The following CCDC171 variants were observed in gnomAD, a reference collection of about 807,000 sequenced individuals.
CCDC171 encodes the protein coiled-coil domain containing 171, also known as coiled-coil domain-containing protein 171.
A neutral mutation model predicts 168.2 loss-of-function variants in CCDC171; 177 were observed. The observed-to-expected ratio is 1.05, with a 90% confidence interval of 0.93 to 1.19. The LOEUF (loss-of-function observed/expected upper bound fraction) is 1.19, where lower values mean the gene tolerates loss of function less well. Ranked by LOEUF, CCDC171 falls within the 50% of genes most tolerant of loss-of-function variation. CCDC171 has a pLI of 0.00. For synonymous variants in CCDC171, 687 were observed against 540.8 expected (o/e 1.27, Z -3.75); for missense variants, 1,991 against 1,539.0 (o/e 1.29, Z -4.91).
At chr9:15,762,961 G>A (rs1407009674) in intron 18 of CCDC171, among the ~76,000 whole-genome samples, 2 of 152,136 alleles carry the variant, frequency 1.3e-5, no homozygotes, top group Non-Finnish European at 2.9e-5. Flanking sequence ...CCTCACTTCT[G>A]ACACCACAAA....
At chr9:16,088,306 C>G in the CCDC171 span, among the ~76,000 whole-genome samples, 2 of 152,188 alleles carry the variant, frequency 1.3e-5, no homozygotes, top group African/African-American at 4.8e-5. Flanking sequence ...CCTTTGAAAA[C>G]TGGCACAAGA....
chr9:15,755,856 A>G (rs930657437), intron 18 of CCDC171, among the ~76,000 whole-genome samples: 1 of 152,166 alleles, frequency 6.6e-6, no homozygotes, highest in African/African-American at 2.4e-5. Context: ...GGGTTGATAA[A>G]AATGTTTTAA....
chr9:15,628,894 C>T (rs1350816715), intron 7 of CCDC171, among the ~76,000 whole-genome samples: 1 of 152,186 alleles, frequency 6.6e-6, no homozygotes, highest in Non-Finnish European at 1.5e-5. Context: ...GTTCTGCAGC[C>T]ACCGCTGCTG....
chr9:15,905,764 A>G (rs769828548), intron 24 of CCDC171, among the ~76,000 whole-genome samples: 3 of 152,252 alleles, frequency 2.0e-5, no homozygotes, highest in Non-Finnish European at 4.4e-5. Context: ...AACCAGATTG[A>G]TAGACTGCTA....
At chr9:15,994,135 C>T (rs989760044) in intron 3 of CCDC171, among the ~76,000 whole-genome samples, 5 of 151,020 alleles carry the variant, frequency 3.3e-5, no homozygotes, top group Admixed American at 3.3e-4. Flanking sequence ...GACACATGCA[C>T]ATGTATGTTT....
chr9:16,045,303 G>T (rs901613897), intron 1 of CCDC171, among the ~76,000 whole-genome samples: 1 of 152,176 alleles, frequency 6.6e-6, no homozygotes, highest in Non-Finnish European at 1.5e-5. Context: ...TCGTCAAGGT[G>T]GTGGCCACTG....
At chr9:15,937,767 C>T (rs534084090) in intron 25 of CCDC171, among the ~76,000 whole-genome samples, 10 of 152,084 alleles carry the variant, frequency 6.6e-5, no homozygotes, top group Non-Finnish European at 1.5e-4. Context: ...AAATCTCCCA[C>T]ACCCAAGACG....
At chr9:15,711,360 A>T (rs1289476641) in intron 11 of CCDC171, among the ~76,000 whole-genome samples, 1 of 152,006 alleles carries the variant, frequency 6.6e-6, no homozygotes, top group African/African-American at 2.4e-5. Flanking sequence ...TAAGTCTTTG[A>T]CCTATATCAG....
In CCDC171 at chr9:15,993,530, A is replaced by C. The variant is rs374030934; in HGVS notation, n.369-27059A>C. Among the ~76,000 whole-genome samples the C allele has an allele frequency of 1.5e-4, 23 of 152,348 alleles. No homozygotes were observed. In the East Asian group the frequency reaches 3.3e-3, roughly 22 times the overall value. On this transcript the variant is annotated intron_variant and non_coding_transcript_variant, in intron 3 of 9. Coordinates refer to the CCDC171 transcript ENST00000486641. ...AGGCAGTACCATTCAGGACATAGGCATGGGCAAGGACTTCATGTCTAAAAC... is the reference window on the plus strand; with the variant it reads ...AGGCAGTACCATTCAGGACATAGGCCTGGGCAAGGACTTCATGTCTAAAAC...
chr9:15,723,710 G>A lies in CCDC171; in HGVS notation c.1455G>A (p.Thr485=). The A allele has an allele frequency of 1.3e-6, 2 of 1,583,636 alleles. No homozygotes were observed. The highest frequency in any genetic ancestry group is 1.4e-5 in the African/African-American group (1 of 73,972). Residue 485 remains threonine, a synonymous_variant, in exon 13 of 26, where the codon ACG becomes ACA. Transcript: ENST00000380701. Reference sequence around the variant, plus strand: ...AGGCATGTAATGAACTTGATTCTACGAAACAGAAGATAGACTCTCACACTA... The same window carrying A: ...AGGCATGTAATGAACTTGATTCTACAAAACAGAAGATAGACTCTCACACTA... ...EEKACNELDS[T]KQKIDSHTKN...
intron 12 of CCDC171, among the ~76,000 whole-genome samples, chr9:15,722,582 G>A (rs917796433): frequency 1.3e-5 from 2 of 152,170 alleles, no homozygotes; most frequent in African/African-American, 4.8e-5. Flanking sequence ...CAATTAGTTA[G>A]CAAAGCAACA....
chr9:15,590,221 G>A (rs573039391), intron 4 of CCDC171, among the ~76,000 whole-genome samples: 1 of 152,130 alleles, frequency 6.6e-6, no homozygotes, highest in Admixed American at 6.5e-5. Context: ...GACTTTTAAT[G>A]TATTTCCTTT....
At chr9:15,699,181 C>T (rs1055990431) in intron 11 of CCDC171, among the ~76,000 whole-genome samples, 5 of 151,868 alleles carry the variant, frequency 3.3e-5, no homozygotes, top group Non-Finnish European at 7.4e-5. Flanking sequence ...TTCTTGGTCT[C>T]GCTGGTTCAG....
At chr9:15,650,142 T>A (rs990833608) in intron 7 of CCDC171, among the ~76,000 whole-genome samples, 1 of 152,052 alleles carries the variant, frequency 6.6e-6, no homozygotes, top group Non-Finnish European at 1.5e-5. Flanking sequence ...AGCAAACTAT[T>A]GCAAGGACAA....
At chr9:15,735,492 C>G (rs1192164645) in intron 16 of CCDC171, among the ~76,000 whole-genome samples, 3 of 152,002 alleles carry the variant, frequency 2.0e-5, no homozygotes, top group Non-Finnish European at 1.5e-5. Context: ...TTATTGTAAA[C>G]ACTTTAGATT....
chr9:15,637,327 G>A (rs540794735), intron 7 of CCDC171, among the ~76,000 whole-genome samples: 1 of 152,046 alleles, frequency 6.6e-6, no homozygotes, highest in Non-Finnish European at 1.5e-5. Flanking sequence ...ACTTTAAGGT[G>A]TGGTTGTGCA....
intron 3 of CCDC171, among the ~76,000 whole-genome samples, chr9:15,988,927 C>T (rs140208106): frequency 0.022 from 3,281 of 152,166 alleles, 134 homozygotes; most frequent in African/African-American, 0.075. Flanking sequence ...ACAAAGCGGC[C>T]GGGAAGCTCG....
rs553089491 is a variant in CCDC171, at chr9:15,798,255, C to A, written c.3267+13561C>A. Among the ~76,000 whole-genome samples, 209 of 152,136 alleles carry A rather than the reference C, an allele frequency of 1.4e-3. 1 individual carries two copies. The highest frequency in any genetic ancestry group is 4.9e-3 in the African/African-American group (204 of 41,522). On this transcript the variant is annotated intron_variant, in intron 21 of 25. Transcript: ENST00000380701. ...ATTATATTTTTAATGCTTGTTGGAT[C>A]TGTTGTGATAATTCCTCTTTCAGTC...
At chr9:15,857,890 C>G (rs1015711649) in intron 23 of CCDC171, among the ~76,000 whole-genome samples, 1 of 151,770 alleles carries the variant, frequency 6.6e-6, no homozygotes, top group African/African-American at 2.4e-5. Flanking sequence ...AACTCTATGT[C>G]TGTTTCTCTG....
Sources: gnomAD v4.1 joint callset for allele counts (sites outside exome capture counted in the v4.1 genomes callset) on GRCh38, gnomAD v4.1.1 for gene constraint, MANE v1.5 for transcripts, NCBI Gene and HGNC (gene_info 2026-07-23, HGNC 2026-07-21) for gene names.